Variants in GLUD1 observed in about 807,000 individuals in gnomAD.
GLUD1 encodes glutamate dehydrogenase 1.
GLUD1 carries 22 observed loss-of-function variants against 56.0 expected under a neutral mutation model. The observed-to-expected ratio is 0.39, with a 90% CI of 0.28 to 0.56. The LOEUF (loss-of-function observed/expected upper bound fraction) is 0.56, where lower values mean the gene tolerates loss of function less well. GLUD1 is among the 20% of genes least tolerant of loss of function. The pLI, the probability that GLUD1 is intolerant of heterozygous loss-of-function variation, is 0.58. For synonymous variants in GLUD1, 223 were observed against 269.9 expected, an observed-to-expected ratio of 0.83 and a Z score of 1.70; for missense variants, 451 against 732.0, an observed-to-expected ratio of 0.62 and a Z score of 4.43.
rs142361938 is a variant in GLUD1 at position 87,061,491 on chromosome 10, T to C, written c.922-439A>G. Among the ~76,000 whole-genome samples, 1,162 of 152,080 alleles carry C rather than the reference T, an allele frequency of 7.6e-3. 17 individuals carry two copies. Among genetic ancestry groups the C allele is most frequent in the African/African-American group, 0.027 (1,119 of 41,492 alleles). ...CGAGACTGCACTCCAGCCTGGGCAA[T>C]AGGGTGAGACTCCATCTCAATCAAT... is the stretch of plus-strand genomic sequence containing the variant. On this transcript the variant is annotated intron_variant, in intron 6 of 12. Coordinates refer to ENST00000277865, the MANE Select transcript of GLUD1 (RefSeq NM_005271.5).
chr10:87,080,052 C>T (rs1016004255), intron 1 of GLUD1, among the ~76,000 whole-genome samples: 2 of 151,774 alleles, frequency 1.3e-5, no homozygotes, highest in African/African-American at 2.4e-5. Context: ...ATTCTCCTGC[C>T]TCAGCCTGCC....
rs181566270 is a variant in GLUD1 at position 87,067,713 on chromosome 10, A to G, written c.741+350T>C. The G allele has an allele frequency of 8.6e-5, 25 of 290,096 alleles. No individual in the cohort carries two copies. The Admixed American group carries it at 1.1e-3, about 12-fold the overall frequency. The allele number at this position is 290,096 out of a possible 1,614,324, so 18.0% of individuals were successfully genotyped here. On this transcript the variant is annotated intron_variant, in intron 5 of 12. Transcript: ENST00000277865. ...TTCATAATCTCCACTGTTGTATTAC[A>G]TTATTTCCATACCTTATCTGCTTAT...
intron 1 of GLUD1, among the ~76,000 whole-genome samples, chr10:87,080,711 C>T (rs543355206): frequency 9.2e-5 from 14 of 151,402 alleles, no homozygotes; most frequent in East Asian, 7.9e-4. Context: ...GCAACCGCCC[C>T]GTCTGAGAAG....
intron 1 of GLUD1, among the ~76,000 whole-genome samples, chr10:87,090,543 A>G (rs1472717218): frequency 6.6e-6 from 1 of 152,222 alleles, no homozygotes; most frequent in Non-Finnish European, 1.5e-5. Flanking sequence ...TTTCTAGTAT[A>G]CTTTGGGAGA....
intron 3 of GLUD1, 84 bp downstream of exon 3, chr10:87,075,884 G>A (rs1422694902): frequency 9.5e-6 from 9 of 950,840 alleles, no homozygotes; most frequent in Admixed American, 1.7e-5. Flanking sequence ...ATTGTACTCC[G>A]GCCTGAACAA....
intron 12 of GLUD1, 77 bp downstream of exon 12, chr10:87,053,265 G>A: frequency 1.1e-6 from 1 of 912,140 alleles, no homozygotes; most frequent in South Asian, 1.3e-5. Flanking sequence ...AGCACATACA[G>A]TCTGGCGGCT....
At chr10:87,089,853 T>A in intron 1 of GLUD1, 1 of 302,298 alleles carries the variant, frequency 3.3e-6, no homozygotes, top group Non-Finnish European at 4.9e-6. Context: ...GCATTAGATT[T>A]AAGACTGTTC....
intron 8 of GLUD1, 177 bp from the exon 9 acceptor site, chr10:87,060,418 A>G: frequency 1.5e-6 from 1 of 666,916 alleles, no homozygotes; most frequent in Non-Finnish European, 2.6e-6. Context: ...TCACTTTTCT[A>G]TTTATCTAGG....
At chr10:87,069,212 C>T (rs1354285967) in intron 4 of GLUD1, among the ~76,000 whole-genome samples, 2 of 151,810 alleles carry the variant, frequency 1.3e-5, no homozygotes, top group Non-Finnish European at 2.9e-5. Context: ...AAAAACGCAA[C>T]TTAAAAAATG....
At chr10:87,056,483 C>T (rs551837632) in intron 11 of GLUD1, among the ~76,000 whole-genome samples, 54 of 152,048 alleles carry the variant, frequency 3.6e-4, no homozygotes, top group African/African-American at 1.3e-3. Flanking sequence ...TTAGTAGAGA[C>T]GGAGTTTCAC....
chr10:87,085,799 GTTAT>G (rs968191367), intron 1 of GLUD1, among the ~76,000 whole-genome samples: 3 of 152,086 alleles, frequency 2.0e-5, no homozygotes, highest in African/African-American at 4.8e-5. Flanking sequence ...TTTGTTTTGT[GTTAT>G]TTAACTTACA....
intron 1 of GLUD1, chr10:87,089,555 A>G: frequency 2.1e-6 from 2 of 947,970 alleles, no homozygotes; most frequent in Non-Finnish European, 2.5e-6. Flanking sequence ...CTTTGCTAAT[A>G]TCTGACCTTG....
At chr10:87,089,017 C>G (rs1472162956) in intron 1 of GLUD1, among the ~76,000 whole-genome samples, 1 of 152,076 alleles carries the variant, frequency 6.6e-6, no homozygotes, top group Admixed American at 6.6e-5. Context: ...TATTTCATTT[C>G]CTTAGCAATT....
Position 87,062,663 on chromosome 10 carries a change from A to G in GLUD1, c.914T>C (p.Val305Ala), listed in dbSNP as rs1845966479. The change falls in exon 6 of 13, where the codon GTT becomes GCT. Residue 305 changes from valine to alanine, a missense_variant. Val to Ala is a moderately conservative substitution (Grantham distance 64). Coordinates refer to ENST00000277865, the MANE Select transcript of GLUD1 (RefSeq NM_005271.5). ...TTTTGTTTTTGTTTTTACCTGAACA[A>G]CAAATGTTTTATCTCCAAACCCTGG... is the stretch of plus-strand genomic sequence containing the variant. Reference protein sequence around the residue: ...MTPGFGDKTFVVQGFGNVGLH... With the variant: ...MTPGFGDKTFAVQGFGNVGLH... 1.2e-6 allele frequency: 2 copies of G among 1,613,676 alleles called. No individual in the cohort carries two copies. Among genetic ancestry groups the G allele is most frequent in the Non-Finnish European group, 1.7e-6 (2 of 1,179,644 alleles).
At chr10:87,057,549 G>C (rs1337900979) in intron 11 of GLUD1, 142 bp downstream of exon 11, 1 of 684,312 alleles carries the variant, frequency 1.5e-6, no homozygotes, top group Non-Finnish European at 2.7e-6. Context: ...GAAAAGGAAA[G>C]GTACAAAACA....
At chr10:87,065,158 T>G (rs1266817499) in intron 5 of GLUD1, among the ~76,000 whole-genome samples, 1 of 150,440 alleles carries the variant, frequency 6.6e-6, no homozygotes, top group East Asian at 2.0e-4. Flanking sequence ...CTGGGCATGG[T>G]GGCAGGCACC....
rs752422493 is a variant in GLUD1, at chr10:87,094,730, C to G, written c.40G>C (p.Ala14Pro). The G allele has an allele frequency of 2.2e-5, 33 of 1,523,136 alleles. No individual in the cohort carries two copies. The African/African-American group carries it at 4.6e-4, about 21-fold the overall frequency. The allele number at this position is 1,523,136 out of a possible 1,614,324, so 94.4% of individuals were successfully genotyped here. A position where few individuals can be genotyped will look rare whatever the true frequency, so the allele number is the denominator to read the frequency against. ...GCCGAGCCCAGGGCAGCGGGCCCGGCCCGGGACAGCAACAGCGCTTCGCCC... is the reference window on the plus strand; with the variant it reads ...GCCGAGCCCAGGGCAGCGGGCCCGGGCCGGGACAGCAACAGCGCTTCGCCC... ...YLGEALLLSR[A>P]GPAALGSASA... The change falls in exon 1 of 13, where the codon GCC becomes CCC. Residue 14 changes from alanine to proline, a missense_variant. Transcript: ENST00000277865. This position sits in a 1 kb window ranked among gnomAD's most constrained non-coding sequence, Gnocchi z 6.6.
chr10:87,061,167 T>TA lies in GLUD1; in HGVS notation c.922-116_922-115insT, dbSNP rs1201989061. The TA allele has an allele frequency of 3.8e-6, 4 of 1,048,572 alleles. No individual in the cohort carries two copies. In the Middle Eastern group the frequency reaches 6.0e-4, roughly 157 times the overall value. 65.0% of individuals were successfully genotyped at this position (1,048,572 alleles called of 1,614,324 possible). On this transcript the variant is annotated intron_variant, in intron 6 of 12. Transcript: ENST00000277865. ...GTTTATTTAGAAGCAATTCTCAAAA[T>TA]TCTTTTGCCAAAAGAAACAATGTAC...
intron 11 of GLUD1, among the ~76,000 whole-genome samples, chr10:87,054,357 C>A (rs1292662368): frequency 2.0e-5 from 3 of 152,090 alleles, no homozygotes; most frequent in African/African-American, 7.2e-5. Context: ...GGGACGCAGG[C>A]CTTCCAATGT....
Sources: allele counts gnomAD v4.1 joint callset (sites outside exome capture counted in the v4.1 genomes callset), GRCh38; gene constraint gnomAD v4.1.1; non-coding constraint Gnocchi (gnomAD v3.1); transcripts MANE v1.5; gene names NCBI Gene and HGNC (gene_info 2026-07-23, HGNC 2026-07-21).